SUGT1: variants seen among roughly 807,000 people sequenced by gnomAD.
SUGT1 encodes the protein protein SGT1 homolog.
A neutral mutation model predicts 56.1 loss-of-function variants in SUGT1; 15 were observed. The ratio of observed to expected loss-of-function variants is 0.27; its 90% CI spans 0.18 to 0.41. The LOEUF is 0.41. SUGT1 is among the 10% of genes least tolerant of loss of function. SUGT1 has a pLI of 1.00. For missense variants in SUGT1, 347 were observed against 382.2 expected (o/e 0.91, Z 0.77); for synonymous variants, 123 against 128.6 (o/e 0.96, Z 0.30).
In SUGT1 at chr13:52,697,562, T is replaced by C. The variant is rs1011739085; in HGVS notation, c.*9727T>C. On this transcript the variant is annotated 3_prime_UTR_variant, in exon 13 of 13. Coordinates refer to ENST00000310528, the MANE Select transcript of SUGT1 (RefSeq NM_006704.5). The stretch of plus-strand genomic sequence containing the variant: ...GAATTGCTCACGTGTCCATTTTTTT[T>C]CTGGAATCCCTGAAGAAATTTTGAG... 1.3e-5 allele frequency: 2 copies of C among 152,200 alleles called. No homozygotes were observed. The highest frequency in any genetic ancestry group is 2.9e-5 in the Non-Finnish European group (2 of 68,054). 9.4% of individuals were successfully genotyped at this position (152,200 alleles called of 1,614,324 possible). A position where few individuals can be genotyped will look rare whatever the true frequency, so the allele number is the denominator to read the frequency against.
intron 10 of SUGT1, among the ~76,000 whole-genome samples, chr13:52,668,110 G>A (rs778500759): frequency 4.6e-5 from 7 of 152,048 alleles, no homozygotes; most frequent in Non-Finnish European, 1.0e-4. Flanking sequence ...AGCCTCCTGA[G>A]TAGCTGGGAT....
chr13:52,679,412 A>G (rs143886970), intron 11 of SUGT1, among the ~76,000 whole-genome samples: 113 of 152,226 alleles, frequency 7.4e-4, no homozygotes, highest in Non-Finnish European at 1.3e-3. Context: ...ACTTACTGTT[A>G]TTGCCTATTA....
At chr13:52,663,305 T>C (rs1422184713) in intron 7 of SUGT1, among the ~76,000 whole-genome samples, 193 bp downstream of exon 7, 5 of 152,200 alleles carry the variant, frequency 3.3e-5, no homozygotes, top group Non-Finnish European at 7.4e-5. Flanking sequence ...ATGAAAATTA[T>C]TGGCCTATTT....
intron 11 of SUGT1, among the ~76,000 whole-genome samples, chr13:52,679,308 G>C (rs1437562545): frequency 6.6e-6 from 1 of 152,208 alleles, no homozygotes; most frequent in Non-Finnish European, 1.5e-5. Context: ...GTTTACTCCA[G>C]TGTGCCCTAC....
rs1963830237 is a variant in SUGT1, at chr13:52,693,186, G to C, written c.*5351G>C. The C allele has an allele frequency of 6.6e-6, 1 of 151,684 alleles. No homozygotes were observed. Among genetic ancestry groups the C allele is most frequent in the South Asian group, 2.1e-4 (1 of 4,812 alleles). 9.4% of individuals were successfully genotyped at this position (151,684 alleles called of 1,614,324 possible). On this transcript the variant is annotated 3_prime_UTR_variant, in exon 13 of 13. Transcript: ENST00000310528. The stretch of plus-strand genomic sequence containing the variant: ...AATATTTGGTATGCCTTCACATTTG[G>C]ATTTTTAGTTTTATTTTTACATTGA...
intron 10 of SUGT1, among the ~76,000 whole-genome samples, chr13:52,671,384 A>G (rs1028322629): frequency 1.3e-5 from 2 of 152,104 alleles, no homozygotes; most frequent in Admixed American, 1.3e-4. Flanking sequence ...ATCCTTACAT[A>G]TTCAACAGCA....
intron 5 of SUGT1, 33 bp downstream of exon 5, chr13:52,659,282 AT>A (rs756148957): frequency 4.8e-4 from 632 of 1,312,664 alleles, no homozygotes; most frequent in Middle Eastern, 2.7e-3. Context: ...TAATAAACTT[AT>A]CTATTTCTGT....
At chr13:52,671,708 T>C (rs1962947969) in intron 10 of SUGT1, among the ~76,000 whole-genome samples, 1 of 151,824 alleles carries the variant, frequency 6.6e-6, no homozygotes, top group Non-Finnish European at 1.5e-5. Flanking sequence ...CATTTAATCT[T>C]CTTGAGAACC....
chr13:52,659,232 A>C lies in SUGT1; in HGVS notation c.311A>C (p.Glu104Ala), dbSNP rs1348474733. The C allele has an allele frequency of 6.7e-7, 1 of 1,484,752 alleles. No individual in the cohort carries two copies. Among genetic ancestry groups the C allele is most frequent in the South Asian group, 1.4e-5 (1 of 69,332 alleles). 92.0% of individuals were successfully genotyped at this position (1,484,752 alleles called of 1,614,324 possible). ...GCTGCTGCCCTAGAAACTTTTACAG[A>C]AGGACAAAAATTAGATAGTAAGTAT... is the stretch of plus-strand genomic sequence containing the variant. The part of the protein sequence containing the change: ...NYAAALETFT[E>A]GQKLDSADAN... The change falls in exon 5 of 13, where the codon GAA (glutamate) becomes GCA (alanine). Residue 104 changes from glutamate (E) to alanine (A), a missense_variant. Glu to Ala is a moderately radical substitution (Grantham distance 107). Coordinates refer to ENST00000310528, the MANE Select transcript of SUGT1 (RefSeq NM_006704.5).
chr13:52,695,080 A>T lies in SUGT1; in HGVS notation c.*7245A>T, dbSNP rs1267351484. 6.6e-6 allele frequency: 1 copy of T among 152,236 alleles called. No individual in the cohort carries two copies. Among genetic ancestry groups the T allele is most frequent in the African/African-American group, 2.4e-5 (1 of 41,470 alleles). 9.4% of individuals were successfully genotyped at this position (152,236 alleles called of 1,614,324 possible). ...GAGCATATACAAGTGTGTAGACATTAATATGGGCTCACTGTCAGCTGGGAG... is the reference window on the plus strand; with the variant it reads ...GAGCATATACAAGTGTGTAGACATTTATATGGGCTCACTGTCAGCTGGGAG... On this transcript the variant is annotated 3_prime_UTR_variant, in exon 13 of 13. Transcript: ENST00000310528.
At chr13:52,684,144 G>A (rs1005963489) in intron 12 of SUGT1, among the ~76,000 whole-genome samples, 1 of 151,904 alleles carries the variant, frequency 6.6e-6, no homozygotes, top group African/African-American at 2.4e-5. Flanking sequence ...CAAGCGATCC[G>A]CCCACCTTGG....
Position 52,688,883 on chromosome 13 carries a change from G to A in SUGT1, c.*1048G>A, listed in dbSNP as rs901424409. ...AAATACACTTTAGAGACAGGAAAATGTTCTGTGATTAAAATTGTTTACAGT... is the reference window on the plus strand; with the variant it reads ...AAATACACTTTAGAGACAGGAAAATATTCTGTGATTAAAATTGTTTACAGT... On this transcript the variant is annotated 3_prime_UTR_variant, in exon 13 of 13. Transcript: ENST00000310528. 3.3e-5 allele frequency: 5 copies of A among 152,170 alleles called. No homozygotes were observed. The highest frequency in any genetic ancestry group is 1.3e-4 in the Admixed American group (2 of 15,268). 9.4% of individuals were successfully genotyped at this position (152,170 alleles called of 1,614,324 possible).
chr13:52,690,191 A>G lies in SUGT1; in HGVS notation c.*2356A>G, dbSNP rs1594263759. On this transcript the variant is annotated 3_prime_UTR_variant, in exon 13 of 13. Transcript: ENST00000310528. Reference sequence around the variant, plus strand: ...ATAGGTCAAGGGAATTTTGAAAAGTAGGCTAGATTGCTGCCTAAGAATCCC... The same window carrying G: ...ATAGGTCAAGGGAATTTTGAAAAGTGGGCTAGATTGCTGCCTAAGAATCCC... 1 of 152,198 alleles carries G rather than the reference A, an allele frequency of 6.6e-6. No individual in the cohort carries two copies. Among genetic ancestry groups the G allele is most frequent in the East Asian group, 1.9e-4 (1 of 5,198 alleles). The allele number at this position is 152,198 out of a possible 1,614,324, so 9.4% of individuals were successfully genotyped here.
Position 52,693,268 on chromosome 13 carries a change from AC to A in SUGT1, c.*5434del, listed in dbSNP as rs1963831806. On this transcript the variant is annotated 3_prime_UTR_variant, in exon 13 of 13. Coordinates refer to ENST00000310528, the MANE Select transcript of SUGT1 (RefSeq NM_006704.5). ...TCCTATGATTAAAGGATTCAGTTAT[AC>A]AAAAAGATGTTTCAGAAACACTGCT... 6.6e-6 allele frequency: 1 copy of A among 152,180 alleles called. No homozygotes were observed. Among genetic ancestry groups the A allele is most frequent in the Admixed American group, 6.5e-5 (1 of 15,280 alleles). The allele number at this position is 152,180 out of a possible 1,614,324, so 9.4% of individuals were successfully genotyped here.
intron 12 of SUGT1, among the ~76,000 whole-genome samples, chr13:52,686,723 T>A (rs1478299615): frequency 6.6e-6 from 1 of 152,204 alleles, no homozygotes; most frequent in Non-Finnish European, 1.5e-5. Flanking sequence ...AATAATTCGC[T>A]CTATTCTTTG....
At chr13:52,677,420 A>G (rs997808265) in intron 11 of SUGT1, among the ~76,000 whole-genome samples, 5 of 152,204 alleles carry the variant, frequency 3.3e-5, no homozygotes, top group Non-Finnish European at 5.9e-5. Flanking sequence ...TATTTAAGGT[A>G]TTTAAGCATC....
At chr13:52,660,477 A>G (rs1233833912) in intron 5 of SUGT1, among the ~76,000 whole-genome samples, 1 of 152,242 alleles carries the variant, frequency 6.6e-6, no homozygotes, top group East Asian at 1.9e-4. Flanking sequence ...GCTGAAATTA[A>G]GAAACTTCAC....
chr13:52,680,300 C>A, intron 12 of SUGT1, 145 bp downstream of exon 12: 1 of 680,112 alleles, frequency 1.5e-6, no homozygotes, highest in Non-Finnish European at 2.3e-6. Context: ...TCTTTTTGCT[C>A]TAAGAGTAAT....
At chr13:52,678,614 A>C (rs1451323188) in intron 11 of SUGT1, among the ~76,000 whole-genome samples, 1 of 152,120 alleles carries the variant, frequency 6.6e-6, no homozygotes, top group Non-Finnish European at 1.5e-5. Flanking sequence ...GCTATGTGAA[A>C]TATATGCTAC....
Sources: gnomAD v4.1 joint callset for allele counts (sites outside exome capture counted in the v4.1 genomes callset) on GRCh38, gnomAD v4.1.1 for gene constraint, MANE v1.5 for transcripts, NCBI Gene and HGNC (gene_info 2026-07-23, HGNC 2026-07-21) for gene names.